Variants in DCP2 observed in about 807,000 individuals in gnomAD.
The protein encoded by DCP2 is m7GpppN-mRNA hydrolase.
DCP2 carries 30 observed loss-of-function variants against 56.1 expected under a neutral mutation model. The ratio of observed to expected loss-of-function variants is 0.53; its 90% CI spans 0.40 to 0.73. The LOEUF (loss-of-function observed/expected upper bound fraction) is 0.73. DCP2 is among the 30% of genes least tolerant of loss of function. The pLI is 0.00. For synonymous variants in DCP2, 197 were observed against 163.3 expected (o/e 1.21, Z -1.57); for missense variants, 533 against 502.7 (o/e 1.06, Z -0.58).
intron 4 of DCP2, among the ~76,000 whole-genome samples, chr5:112,997,583 C>T (rs181010263): frequency 6.6e-6 from 1 of 151,136 alleles, no homozygotes; most frequent in Non-Finnish European, 1.5e-5. Context: ...CACTGCTGCT[C>T]TTTGGGTTAC....
At chr5:112,982,287 A>T (rs6594653) in intron 1 of DCP2, among the ~76,000 whole-genome samples, 29,129 of 151,760 alleles carry the variant, frequency 0.19, 2,981 homozygotes, top group African/African-American at 0.27. Context: ...TTTTCCCTTT[A>T]GACTGCACTC....
rs143369361 is a variant in DCP2, at chr5:113,001,101, T to C, written c.450T>C (p.Gly150=). 39 of 1,604,620 alleles carry C rather than the reference T, an allele frequency of 2.4e-5. No individual in the cohort carries two copies. The African/African-American group carries it at 5.0e-4, about 20-fold the overall frequency. The part of the protein sequence containing the change: ...CAAREVFEET[G]FDIKDYICKD... ...GTTTCCAGGTCTTTGAAGAAACTGGTTTTGATATCAAAGACTATATTTGTA... is the reference window on the plus strand; with the variant it reads ...GTTTCCAGGTCTTTGAAGAAACTGGCTTTGATATCAAAGACTATATTTGTA... Residue 150 remains glycine, a synonymous_variant, in exon 5 of 11, where the codon GGT becomes GGC. Coordinates refer to ENST00000389063, the MANE Select transcript of DCP2 (RefSeq NM_152624.6).
At chr5:113,005,494 A>G (rs1749383288) in intron 8 of DCP2, among the ~76,000 whole-genome samples, 1 of 152,198 alleles carries the variant, frequency 6.6e-6, no homozygotes, top group African/African-American at 2.4e-5. Flanking sequence ...AAAAAACAAA[A>G]AAACAGAAAA....
intron 8 of DCP2, among the ~76,000 whole-genome samples, chr5:113,007,531 G>T (rs899869672): frequency 2.0e-5 from 3 of 152,040 alleles, no homozygotes; most frequent in Non-Finnish European, 2.9e-5. Context: ...CTCCTGAGTA[G>T]CTGGGACTAT....
intron 4 of DCP2, among the ~76,000 whole-genome samples, chr5:113,000,433 CCCTA>C (rs879622595): frequency 1.7e-4 from 26 of 152,196 alleles, no homozygotes; most frequent in South Asian, 1.0e-3. Context: ...CACCCACACA[CCCTA>C]CCTGAGTTTT....
intron 10 of DCP2, 112 bp downstream of exon 10, chr5:113,010,919 T>A: frequency 8.8e-7 from 1 of 1,136,462 alleles, no homozygotes; most frequent in Non-Finnish European, 1.2e-6. Context: ...CAGGAAGAGT[T>A]GCATATGTTC....
At chr5:112,997,185 C>T (rs1748899747) in intron 4 of DCP2, among the ~76,000 whole-genome samples, 1 of 152,156 alleles carries the variant, frequency 6.6e-6, no homozygotes, top group African/African-American at 2.4e-5. Flanking sequence ...TGAGTAATTC[C>T]ATTTTGTTTA....
At chr5:112,991,317 T>A (rs544919482) in intron 2 of DCP2, among the ~76,000 whole-genome samples, 61 of 152,346 alleles carry the variant, frequency 4.0e-4, no homozygotes, top group African/African-American at 1.4e-3. Context: ...TATGCTTTTT[T>A]AAAATTAACA....
At chr5:113,013,158 T>C (rs1749748427) in intron 10 of DCP2, among the ~76,000 whole-genome samples, 163 bp from the exon 11 acceptor site, 1 of 152,180 alleles carries the variant, frequency 6.6e-6, no homozygotes, top group Non-Finnish European at 1.5e-5. Context: ...ACCACCAGTT[T>C]ATGGAAAGGA....
chr5:112,992,583 C>T (rs1014764572), intron 3 of DCP2, 89 bp from the exon 4 acceptor site: 18 of 954,246 alleles, frequency 1.9e-5, no homozygotes, highest in Non-Finnish European at 2.7e-5. Context: ...TAACAGTTAC[C>T]TCAAGTAAGG....
intron 2 of DCP2, among the ~76,000 whole-genome samples, chr5:112,988,256 G>A (rs1206118810): frequency 1.3e-5 from 2 of 151,710 alleles, no homozygotes; most frequent in Admixed American, 6.6e-5. Context: ...GCCAAGGGGG[G>A]CGGATCACTA....
At chr5:112,992,862 C>G (rs1481940764) in intron 4 of DCP2, 92 bp downstream of exon 4, 1 of 862,574 alleles carries the variant, frequency 1.2e-6, no homozygotes, top group Non-Finnish European at 1.6e-6. Flanking sequence ...TTTGGACTGT[C>G]TTAACCCTTT....
rs1275739818 is a variant in DCP2, at chr5:113,016,089, T to TA, written c.*2612dup. On this transcript the variant is annotated 3_prime_UTR_variant, in exon 11 of 11. Transcript: ENST00000389063. ...CAGTGCACTGTGAATCTTTTATTTT[T>TA]AAAAAAATTTGTAGGTGCTTTTATG... is the stretch of plus-strand genomic sequence containing the variant. 1.3e-5 allele frequency: 2 copies of TA among 152,660 alleles called. No homozygotes were observed. The highest frequency in any genetic ancestry group is 2.9e-5 in the Non-Finnish European group (2 of 68,026). 9.5% of individuals were successfully genotyped at this position (152,660 alleles called of 1,614,324 possible). A position where few individuals can be genotyped will look rare whatever the true frequency, so the allele number is the denominator to read the frequency against.
At chr5:112,989,670 A>G (rs528394542) in intron 2 of DCP2, among the ~76,000 whole-genome samples, 1 of 152,332 alleles carries the variant, frequency 6.6e-6, no homozygotes, top group South Asian at 2.1e-4. Context: ...GCCAAAGAAC[A>G]TGACAACTGC....
intron 9 of DCP2, among the ~76,000 whole-genome samples, chr5:113,008,754 AGTG>A (rs1223801101): frequency 1.3e-5 from 2 of 152,212 alleles, no homozygotes; most frequent in Non-Finnish European, 2.9e-5. Context: ...GTCTGATAAA[AGTG>A]GTGACAAGAA....
intron 1 of DCP2, among the ~76,000 whole-genome samples, chr5:112,983,422 A>G (rs1041460861): frequency 2.6e-5 from 4 of 152,208 alleles, no homozygotes; most frequent in African/African-American, 9.7e-5. Context: ...TTTTAAAAAA[A>G]TAGAGACGGG....
At chr5:112,993,476 A>T (rs982967563) in intron 4 of DCP2, among the ~76,000 whole-genome samples, 1 of 152,032 alleles carries the variant, frequency 6.6e-6, no homozygotes, top group African/African-American at 2.4e-5. Flanking sequence ...AATACAAAAA[A>T]TTAGCTGGGC....
intron 7 of DCP2, among the ~76,000 whole-genome samples, chr5:113,002,422 CAAAAA>C (rs60697650): frequency 0.015 from 1,257 of 81,402 alleles, 15 homozygotes; most frequent in African/African-American, 0.051. Flanking sequence ...GACTCGGTCT[CAAAAA>C]AAAAAAAAAA....
intron 2 of DCP2, 98 bp from the exon 3 acceptor site, chr5:112,992,023 C>A: frequency 1.3e-6 from 2 of 1,499,812 alleles, no homozygotes; most frequent in Non-Finnish European, 1.8e-6. Context: ...TGAATAATTT[C>A]ACATGAAATA....
Sources: allele counts gnomAD v4.1 joint callset (sites outside exome capture counted in the v4.1 genomes callset), GRCh38; gene constraint gnomAD v4.1.1; transcripts MANE v1.5; gene names NCBI Gene and HGNC (gene_info 2026-07-23, HGNC 2026-07-21).